UBE2Q2: variants seen among roughly 807,000 people sequenced by gnomAD.
UBE2Q2 encodes ubiquitin conjugating enzyme E2 Q2.
Under a neutral mutation model 59.9 loss-of-function variants are expected in UBE2Q2, and 54 were observed. The observed-to-expected ratio is 0.90, with a 90% confidence interval of 0.72 to 1.13. UBE2Q2 has a LOEUF of 1.13. Among genes scored for constraint, UBE2Q2 ranks in the 50% most tolerant of loss-of-function variants. UBE2Q2 has a pLI of 0.00. For synonymous variants in UBE2Q2, 165 were observed against 155.2 expected, an observed-to-expected ratio of 1.06 and a Z score of -0.47; for missense variants, 433 against 441.9, an observed-to-expected ratio of 0.98 and a Z score of 0.18.
intron 8 of UBE2Q2, among the ~76,000 whole-genome samples, chr15:75,880,638 T>C (rs1018852451): frequency 1.3e-5 from 2 of 152,062 alleles, no homozygotes; most frequent in Non-Finnish European, 2.9e-5. Flanking sequence ...GTAGCTGGGA[T>C]TATAGGCATG....
chr15:75,862,023 C>T (rs1427085534), intron 3 of UBE2Q2, among the ~76,000 whole-genome samples: 2 of 152,210 alleles, frequency 1.3e-5, no homozygotes, highest in East Asian at 1.9e-4. Flanking sequence ...TGTGGCTTCT[C>T]TTTCTCCAAG....
intron 2 of UBE2Q2, among the ~76,000 whole-genome samples, chr15:75,857,929 G>C (rs978793994): frequency 5.3e-5 from 8 of 152,086 alleles, no homozygotes; most frequent in African/African-American, 1.9e-4. Flanking sequence ...GTGGGTACAG[G>C]AAACTGTCAA....
At chr15:75,864,106 T>G (rs546421055) in intron 3 of UBE2Q2, among the ~76,000 whole-genome samples, 69 of 152,340 alleles carry the variant, frequency 4.5e-4, no homozygotes, top group Non-Finnish European at 8.4e-4. Flanking sequence ...ATTTCTATAG[T>G]AAACACCGTT....
chr15:75,888,310 G>A (rs59143042), intron 9 of UBE2Q2, among the ~76,000 whole-genome samples: 5,448 of 152,152 alleles, frequency 0.036, 174 homozygotes, highest in African/African-American at 0.081. Flanking sequence ...CTGTAGATTT[G>A]CCTATCTTGG....
intron 8 of UBE2Q2, among the ~76,000 whole-genome samples, chr15:75,882,415 C>T (rs1289888573): frequency 1.3e-5 from 2 of 151,980 alleles, no homozygotes; most frequent in South Asian, 2.1e-4. Flanking sequence ...GAATAGAGCC[C>T]GCAGATTTTG....
At chr15:75,870,140 T>C (rs1897708827) in intron 4 of UBE2Q2, among the ~76,000 whole-genome samples, 1 of 152,178 alleles carries the variant, frequency 6.6e-6, no homozygotes, top group African/African-American at 2.4e-5. Context: ...TGATCACGGC[T>C]CACTGCAACC....
In UBE2Q2 at chr15:75,883,387, C is replaced by T. The variant is rs774170325; in HGVS notation, c.847C>T (p.Pro283Ser). 6.8e-6 allele frequency: 11 copies of T among 1,613,196 alleles called. No homozygotes were observed. The highest frequency in any genetic ancestry group is 9.3e-6 in the Non-Finnish European group (11 of 1,179,586). ...SFKDNFPFDP[P>S]FVRVVLPVLS... ...TTAGGATAACTTTCCATTTGATCCT[C>T]CATTTGTTCGAGTGGTGTTACCTGT... The change falls in exon 9 of 13, where the codon CCA (proline) becomes TCA (serine). Residue 283 changes from proline to serine, a missense_variant. Coordinates refer to ENST00000267938, the MANE Select transcript of UBE2Q2 (RefSeq NM_173469.4).
chr15:75,856,269 G>GTGTGTATATATATATATA (rs1256142539), intron 2 of UBE2Q2, among the ~76,000 whole-genome samples: 20 of 139,280 alleles, frequency 1.4e-4, no homozygotes, highest in African/African-American at 5.5e-4. Flanking sequence ...GTGTGTGTGT[G>GTGTGTATATATATATATA]TATATATATA....
chr15:75,863,314 C>T (rs541120247), intron 3 of UBE2Q2, among the ~76,000 whole-genome samples: 6 of 152,230 alleles, frequency 3.9e-5, no homozygotes, highest in South Asian at 4.2e-4. Context: ...TCTGGTCTGC[C>T]GGTAACCCCA....
In UBE2Q2 at chr15:75,844,333, G is replaced by A. The variant is rs532168863; in HGVS notation, c.180+487G>A. The A allele has an allele frequency of 2.0e-3, 3,025 of 1,549,724 alleles. 1 individual carries two copies. Among genetic ancestry groups the A allele is most frequent in the Non-Finnish European group, 2.4e-3 (2,792 of 1,146,706 alleles). On this transcript the variant is annotated intron_variant, in intron 1 of 12. Transcript: ENST00000267938. ...TGTTCAGCCAATTGTTTTTAAGTTT[G>A]CGTTTAAGGAGAAACTGACAATGAG...
At chr15:75,856,880 G>A (rs1595861360) in intron 2 of UBE2Q2, among the ~76,000 whole-genome samples, 1 of 151,866 alleles carries the variant, frequency 6.6e-6, no homozygotes, top group East Asian at 1.9e-4. Context: ...GAGGCAGGTT[G>A]CAGTGAGCCG....
At chr15:75,881,985 G>T (rs1449946536) in intron 8 of UBE2Q2, among the ~76,000 whole-genome samples, 6 of 152,136 alleles carry the variant, frequency 3.9e-5, no homozygotes. Context: ...TTGTGGATTT[G>T]GAGAGGAGAA....
intron 1 of UBE2Q2, chr15:75,844,682 A>G (rs1485614700): frequency 1.8e-6 from 1 of 548,938 alleles, no homozygotes; most frequent in Non-Finnish European, 3.1e-6. Context: ...GAATTGAAGT[A>G]TTAAGTTTCT....
intron 1 of UBE2Q2, among the ~76,000 whole-genome samples, chr15:75,849,360 T>TA (rs1896521194): frequency 6.6e-6 from 1 of 152,126 alleles, no homozygotes; most frequent in South Asian, 2.1e-4. Flanking sequence ...GCATCAGTTT[T>TA]AAAAAAATGA....
intron 11 of UBE2Q2, among the ~76,000 whole-genome samples, chr15:75,894,034 T>C (rs1386318913): frequency 6.6e-6 from 1 of 152,210 alleles, no homozygotes; most frequent in African/African-American, 2.4e-5. Context: ...TATAAGTTAA[T>C]AATAAAACCA....
At chr15:75,851,303 G>A (rs1159356874) in intron 1 of UBE2Q2, among the ~76,000 whole-genome samples, 2 of 151,320 alleles carry the variant, frequency 1.3e-5, no homozygotes, top group Admixed American at 1.3e-4. Flanking sequence ...TGTTGCCTAG[G>A]CTTCTTTTTT....
At chr15:75,855,175 A>G (rs957152131) in intron 2 of UBE2Q2, among the ~76,000 whole-genome samples, 2 of 152,210 alleles carry the variant, frequency 1.3e-5, no homozygotes, top group African/African-American at 2.4e-5. Flanking sequence ...GTCATGGTCT[A>G]TATAGTTTTA....
At chr15:75,894,528 G>A (rs989051246) in intron 11 of UBE2Q2, among the ~76,000 whole-genome samples, 1 of 152,126 alleles carries the variant, frequency 6.6e-6, no homozygotes, top group African/African-American at 2.4e-5. Flanking sequence ...AGGTTGCAGT[G>A]AGCTGAGATC....
chr15:75,868,512 G>A (rs1897623104), intron 3 of UBE2Q2, among the ~76,000 whole-genome samples: 1 of 152,114 alleles, frequency 6.6e-6, no homozygotes, highest in Admixed American at 6.6e-5. Flanking sequence ...CAAAATGTAA[G>A]GCAATTGAAT....
Sources: gnomAD v4.1 joint callset for allele counts (sites outside exome capture counted in the v4.1 genomes callset) on GRCh38, gnomAD v4.1.1 for gene constraint, MANE v1.5 for transcripts, NCBI Gene and HGNC (gene_info 2026-07-23, HGNC 2026-07-21) for gene names.